C7orf57: variants seen among roughly 807,000 people sequenced by gnomAD.
C7orf57 encodes the protein uncharacterized protein C7orf57.
In C7orf57, 33 loss-of-function variants were observed where a neutral mutation model predicts 39.0. The observed-to-expected ratio is 0.85, with a 90% CI of 0.64 to 1.13. The LOEUF is 1.13. Ranked by LOEUF, C7orf57 falls within the 50% of genes most tolerant of loss-of-function variation. The pLI, the probability that C7orf57 is intolerant of heterozygous loss-of-function variation, is 0.00. For missense variants in C7orf57, 346 were observed against 362.3 expected (o/e 0.95, Z 0.37); for synonymous variants, 124 against 137.1 (o/e 0.90, Z 0.67).
At chr7:48,056,763 G>A (rs1034614162) in intron 8 of C7orf57, among the ~76,000 whole-genome samples, 6 of 152,038 alleles carry the variant, frequency 3.9e-5, no homozygotes, top group African/African-American at 1.4e-4. Context: ...ACAGTTTCTG[G>A]TCTTTTGTTT....
chr7:48,044,017 G>C (rs948480928), intron 4 of C7orf57, among the ~76,000 whole-genome samples: 3 of 152,126 alleles, frequency 2.0e-5, no homozygotes, highest in Non-Finnish European at 2.9e-5. Flanking sequence ...GAGTGTTATA[G>C]CTCTATGAGA....
Position 48,035,822 on chromosome 7 carries a change from T to C in C7orf57, c.-102+192T>C, listed in dbSNP as rs1455324069. 6.6e-6 allele frequency among the ~76,000 whole-genome samples: 1 copy of C among 152,166 alleles called. No homozygotes were observed. Among genetic ancestry groups the C allele is most frequent in the Non-Finnish European group, 1.5e-5 (1 of 68,022 alleles). Reference sequence around the variant, plus strand: ...AGTCCCGCGGCCCCTTGGTTACCTGTTGCTTATCCTCTCTGTACTTGCTGT... The same window carrying C: ...AGTCCCGCGGCCCCTTGGTTACCTGCTGCTTATCCTCTCTGTACTTGCTGT... On this transcript the variant is annotated intron_variant, in intron 1 of 8. Transcript: ENST00000348904. This position sits in a 1 kb window ranked among gnomAD's most constrained non-coding sequence, Gnocchi z 4.0.
intron 4 of C7orf57, among the ~76,000 whole-genome samples, chr7:48,044,459 T>C (rs1460934806): frequency 1.3e-5 from 2 of 152,226 alleles, no homozygotes; most frequent in Admixed American, 6.5e-5. Context: ...ACTATTTCTT[T>C]ACCTCCCGCT....
intron 3 of C7orf57, among the ~76,000 whole-genome samples, chr7:48,042,183 A>C (rs1314380641): frequency 6.6e-6 from 1 of 152,212 alleles, no homozygotes; most frequent in Non-Finnish European, 1.5e-5. Flanking sequence ...TGTCAGAGAG[A>C]AAATGGGAAG....
chr7:48,056,618 G>A (rs570866057), intron 8 of C7orf57, among the ~76,000 whole-genome samples: 11 of 152,016 alleles, frequency 7.2e-5, no homozygotes, highest in South Asian at 4.2e-4. Flanking sequence ...GGAACATTTC[G>A]GATTTTGGAT....
chr7:48,055,128 G>A (rs372857856), intron 8 of C7orf57, among the ~76,000 whole-genome samples: 27 of 152,132 alleles, frequency 1.8e-4, no homozygotes, highest in Admixed American at 5.2e-4. Context: ...CACCTGCCTC[G>A]GCCTCCGAAA....
At chr7:48,050,411 T>C (rs1790841231) in intron 6 of C7orf57, among the ~76,000 whole-genome samples, 1 of 152,234 alleles carries the variant, frequency 6.6e-6, no homozygotes, top group Non-Finnish European at 1.5e-5. Flanking sequence ...AGTTGGAAGA[T>C]ATAGCAGACA....
Position 48,037,489 on chromosome 7 carries a change from G to T in C7orf57, c.55+1126G>T, listed in dbSNP as rs544424547. 5.3e-5 allele frequency among the ~76,000 whole-genome samples: 8 copies of T among 152,254 alleles called. No homozygotes were observed. The East Asian group carries it at 1.4e-3, about 26-fold the overall frequency. On this transcript the variant is annotated intron_variant, in intron 2 of 8. Coordinates refer to ENST00000348904, the MANE Select transcript of C7orf57 (RefSeq NM_001100159.3). ...CTAAAGCAGGAGCCTGTGCCCCTGC[G>T]GGTATGTGAACATATAACACACTGC...
In C7orf57 at chr7:48,035,761, G is replaced by A; in HGVS notation, c.-102+131G>A. The A allele has an allele frequency of 1.7e-6, 1 of 584,330 alleles. No individual in the cohort carries two copies. The highest frequency in any genetic ancestry group is 2.0e-5 in the South Asian group (1 of 49,926). 36.2% of individuals were successfully genotyped at this position (584,330 alleles called of 1,614,324 possible). A position where few individuals can be genotyped will look rare whatever the true frequency, so the allele number is the denominator to read the frequency against. On this transcript the variant is annotated intron_variant, in intron 1 of 8. Transcript: ENST00000348904. The surrounding 1 kb of genome is among the most constrained non-coding windows in gnomAD (Gnocchi z 4.0). The stretch of plus-strand genomic sequence containing the variant: ...GAGGGGACCACCTTGTCGCCGGGTT[G>A]GGATGAGCACAGGGCGGGATCTCCA...
intron 8 of C7orf57, among the ~76,000 whole-genome samples, chr7:48,055,933 G>A (rs12532351): frequency 0.29 from 43,619 of 151,984 alleles, 7,202 homozygotes; most frequent in Middle Eastern, 0.52. Flanking sequence ...ATTTGGGAGC[G>A]CAGATGTAGC....
chr7:48,044,143 A>C (rs887204689), intron 4 of C7orf57, among the ~76,000 whole-genome samples: 1 of 152,080 alleles, frequency 6.6e-6, no homozygotes, highest in Non-Finnish European at 1.5e-5. Flanking sequence ...CCCGATGGGG[A>C]GCGTCAGTGG....
intron 6 of C7orf57, among the ~76,000 whole-genome samples, chr7:48,051,689 C>A (rs1790884926): frequency 7.5e-6 from 1 of 133,014 alleles, no homozygotes; most frequent in Non-Finnish European, 1.7e-5. Context: ...CCTTCCTTCC[C>A]TTTCTTTCTT....
intron 3 of C7orf57, 26 bp from the exon 4 acceptor site, chr7:48,043,455 A>G: frequency 7.6e-6 from 12 of 1,585,696 alleles, no homozygotes; most frequent in Non-Finnish European, 1.0e-5. Context: ...GGGGTGTCTC[A>G]CAGCCATGTC....
chr7:48,043,706 TC>T, intron 4 of C7orf57, 117 bp downstream of exon 4: 2 of 807,144 alleles, frequency 2.5e-6, no homozygotes, highest in Non-Finnish European at 4.1e-6. Flanking sequence ...TATGACAACT[TC>T]AGGTTCTCTT....
chr7:48,035,646 C>G lies in C7orf57; in HGVS notation c.-102+16C>G, dbSNP rs1001687647. Reference sequence around the variant, plus strand: ...CGGGGAGCTGGTGAGCCTGAGCGGGCTGGAGGACAATGGGGGCGCCCACTG... The same window carrying G: ...CGGGGAGCTGGTGAGCCTGAGCGGGGTGGAGGACAATGGGGGCGCCCACTG... On this transcript the variant is annotated intron_variant, in intron 1 of 8. Transcript: ENST00000348904. The surrounding 1 kb of genome is among the most constrained non-coding windows in gnomAD (Gnocchi z 4.0). 18 of 666,054 alleles carry G rather than the reference C, an allele frequency of 2.7e-5. No homozygotes were observed. In the African/African-American group the frequency reaches 3.3e-4, roughly 12 times the overall value. The allele number at this position is 666,054 out of a possible 1,614,324, so 41.3% of individuals were successfully genotyped here.
chr7:48,050,070 C>A, intron 6 of C7orf57, 93 bp downstream of exon 6: 1 of 828,170 alleles, frequency 1.2e-6, no homozygotes, highest in Non-Finnish European at 2.0e-6. Flanking sequence ...GTGACAGCAT[C>A]CACACAACTT....
At chr7:48,052,281 GT>G (rs1267057552) in intron 6 of C7orf57, among the ~76,000 whole-genome samples, 3 of 152,140 alleles carry the variant, frequency 2.0e-5, no homozygotes, top group African/African-American at 7.2e-5. Context: ...GTTTGTTGTT[GT>G]TTTTTGTTTT....
chr7:48,050,750 T>C (rs909045958), intron 6 of C7orf57, among the ~76,000 whole-genome samples: 3 of 152,172 alleles, frequency 2.0e-5, no homozygotes, highest in African/African-American at 7.2e-5. Context: ...AACAAAGTGA[T>C]TGAACCCCTC....
intron 5 of C7orf57, among the ~76,000 whole-genome samples, chr7:48,048,304 C>T (rs1790774879): frequency 1.3e-5 from 2 of 152,170 alleles, no homozygotes; most frequent in Admixed American, 1.3e-4. Context: ...GAGTGATGAT[C>T]ACATCATGGG....
Sources: allele counts gnomAD v4.1 joint callset (sites outside exome capture counted in the v4.1 genomes callset), GRCh38; gene constraint gnomAD v4.1.1; non-coding constraint Gnocchi (gnomAD v3.1); transcripts MANE v1.5; gene names NCBI Gene and HGNC (gene_info 2026-07-23, HGNC 2026-07-21).